The following LARGE1 variants were observed in gnomAD, a reference collection of about 807,000 sequenced individuals.
LARGE1 encodes LARGE xylosyl- and glucuronyltransferase 1.
In LARGE1, 43 loss-of-function variants were observed where a neutral mutation model predicts 87.6. The ratio of observed to expected loss-of-function variants is 0.49; its 90% confidence interval spans 0.38 to 0.63. The LOEUF is 0.63. LARGE1 is among the 30% of genes least tolerant of loss of function. LARGE1 has a pLI of 0.00. For synonymous variants in LARGE1, 434 were observed against 394.6 expected, an observed-to-expected ratio of 1.10 and a Z score of -1.18; for missense variants, 802 against 1,000.2, an observed-to-expected ratio of 0.80 and a Z score of 2.67.
chr22:33,106,049 C>T, the LARGE1 span: 5 of 152,384 alleles, frequency 3.3e-5, no homozygotes, highest in African/African-American at 9.6e-5. Flanking sequence ...TTTCTGGCCC[C>T]GGCTTTCTTT....
chr22:33,124,349 A>AAGGAAGGAAGGAAGGAAGGAAGGAAGG, the LARGE1 span, among the ~76,000 whole-genome samples: 4 of 37,340 alleles, frequency 1.1e-4, no homozygotes, highest in African/African-American at 6.1e-4. Context: ...AGAGACAAAG[A>AAGGAAGGAAGGAAGGAAGGAAGGAAGG]AAGGAAAGAA....
At chr22:33,074,684 C>T in the LARGE1 span, among the ~76,000 whole-genome samples, 11 of 152,062 alleles carry the variant, frequency 7.2e-5, no homozygotes, top group African/African-American at 2.7e-4. Context: ...TAGAAACAAA[C>T]AAACTAACAA....
At chr22:33,302,137 C>T (rs925093089) in intron 12 of LARGE1, among the ~76,000 whole-genome samples, 2 of 152,332 alleles carry the variant, frequency 1.3e-5, no homozygotes, top group Admixed American at 6.5e-5. Flanking sequence ...AGCCTGTCAT[C>T]CCGGAAGCTG....
intron 1 of LARGE1, among the ~76,000 whole-genome samples, chr22:33,883,397 G>A (rs776390995): frequency 6.6e-6 from 1 of 152,194 alleles, no homozygotes; most frequent in Non-Finnish European, 1.5e-5. Context: ...AAGCCTTCCA[G>A]TACTGCTCCC....
chr22:33,529,055 T>A (rs568733935), intron 6 of LARGE1, among the ~76,000 whole-genome samples: 1 of 152,336 alleles, frequency 6.6e-6, no homozygotes, highest in African/African-American at 2.4e-5. Context: ...ACACGTGGAA[T>A]AGCACTTTTT....
chr22:33,089,991 G>A, the LARGE1 span, among the ~76,000 whole-genome samples: 826 of 151,658 alleles, frequency 5.4e-3, 3 homozygotes, highest in African/African-American at 0.018. Flanking sequence ...AATTCCTGCC[G>A]TCAGAGTTCA....
chr22:33,232,684 A>C (rs1443291578), intron 11 of LARGE1, among the ~76,000 whole-genome samples: 3 of 152,136 alleles, frequency 2.0e-5, no homozygotes, highest in African/African-American at 7.2e-5. Flanking sequence ...GTCTCACTGG[A>C]GTCTAGTTGA....
chr22:33,672,891 T>C (rs1474547657), intron 2 of LARGE1, among the ~76,000 whole-genome samples: 1 of 152,212 alleles, frequency 6.6e-6, no homozygotes, highest in Non-Finnish European at 1.5e-5. Flanking sequence ...GTGTGTTCTT[T>C]ACAGCTCATC....
chr22:33,104,122 AAC>A, the LARGE1 span, among the ~76,000 whole-genome samples: 9 of 152,202 alleles, frequency 5.9e-5, no homozygotes, highest in African/African-American at 1.7e-4. Flanking sequence ...TCCAAAAAGA[AAC>A]ACAGACTGGC....
chr22:33,696,255 CTTTCTTTCTTTT>C (rs961426384), intron 2 of LARGE1, among the ~76,000 whole-genome samples: 13 of 114,100 alleles, frequency 1.1e-4, no homozygotes, highest in Middle Eastern at 9.3e-3. Flanking sequence ...TTCTTTCTTT[CTTTCTTTCTTTT>C]TTTTTTTTTT....
At position 33,661,217 on chromosome 22, in the gene LARGE1, A is replaced by ATTT. The variant is rs11356402; in HGVS notation, c.107-10552_107-10550dup. 2.9e-3 allele frequency among the ~76,000 whole-genome samples: 413 copies of ATTT among 142,078 alleles called. 2 individuals are homozygous for ATTT. The highest frequency in any genetic ancestry group is 7.2e-3 in the African/African-American group (277 of 38,262). 93.2% of individuals were successfully genotyped at this position (142,078 alleles called of 152,430 possible). ...ATTTATTACCAAAAAAGGTTCTATG[A>ATTT]TTTTTTTTTTTTTTTTGAGCCAGGG... On this transcript the variant is annotated intron_variant, in intron 2 of 14. Transcript: ENST00000397394.
intron 2 of LARGE1, among the ~76,000 whole-genome samples, chr22:33,746,887 T>C (rs912712684): frequency 7.2e-5 from 11 of 152,058 alleles, no homozygotes; most frequent in Non-Finnish European, 1.5e-4. Context: ...AGGCTGCACT[T>C]AATCCAGGTC....
At chr22:33,328,041 G>A (rs962033980) in intron 10 of LARGE1, among the ~76,000 whole-genome samples, 2 of 152,162 alleles carry the variant, frequency 1.3e-5, no homozygotes, top group African/African-American at 2.4e-5. Context: ...ATTCTAGTGG[G>A]TAGAGACATG....
chr22:33,710,798 A>G (rs1263026385), intron 2 of LARGE1, among the ~76,000 whole-genome samples: 1 of 152,206 alleles, frequency 6.6e-6, no homozygotes, highest in Non-Finnish European at 1.5e-5. Context: ...GGAAATGGCA[A>G]AATTCTTTAA....
rs183375857 is a variant in LARGE1, at chr22:33,263,755, C to T, written c.1730+40474G>A. 2.2e-3 allele frequency among the ~76,000 whole-genome samples: 342 copies of T among 152,328 alleles called. 4 individuals carry two copies. The highest frequency in any genetic ancestry group is 7.5e-3 in the African/African-American group (310 of 41,584). On this transcript the variant is annotated intron_variant, in intron 11 of 11. Transcript: ENST00000608642. ...CCACTTCATCTGTGGTAATTTCTTACACAGCAGTGGAAAACAAATACACTC... is the reference window on the plus strand; with the variant it reads ...CCACTTCATCTGTGGTAATTTCTTATACAGCAGTGGAAAACAAATACACTC...
intron 7 of LARGE1, among the ~76,000 whole-genome samples, chr22:33,402,046 TTGTTA>T (rs1450879891): frequency 5.3e-5 from 8 of 152,304 alleles, no homozygotes; most frequent in Admixed American, 2.6e-4. Flanking sequence ...GGGATCCTGA[TTGTTA>T]TGTTATTTCA....
chr22:33,251,834 A>G (rs1187718682), intron 11 of LARGE1, among the ~76,000 whole-genome samples: 1 of 152,192 alleles, frequency 6.6e-6, no homozygotes, highest in African/African-American at 2.4e-5. Flanking sequence ...AGTGCAAACT[A>G]TGGTAAGACT....
At chr22:33,398,761 A>T (rs886610740) in intron 7 of LARGE1, among the ~76,000 whole-genome samples, 5 of 152,160 alleles carry the variant, frequency 3.3e-5, no homozygotes, top group Non-Finnish European at 5.9e-5. Flanking sequence ...TAGTGTCCTT[A>T]TAAGAAGAAG....
chr22:33,178,774 C>T (rs1923011342), intron 11 of LARGE1, among the ~76,000 whole-genome samples: 2 of 152,008 alleles, frequency 1.3e-5, no homozygotes, highest in Admixed American at 1.3e-4. Context: ...AATATTATAC[C>T]AGTTTATATT....
Sources: gnomAD v4.1 joint callset for allele counts (sites outside exome capture counted in the v4.1 genomes callset) on GRCh38, gnomAD v4.1.1 for gene constraint, MANE v1.5 for transcripts, NCBI Gene and HGNC (gene_info 2026-07-23, HGNC 2026-07-21) for gene names.